RBKS: variants seen among roughly 807,000 people sequenced by gnomAD.
The protein encoded by RBKS is ribokinase.
Under a neutral mutation model 33.9 loss-of-function variants are expected in RBKS, and 33 were observed. The ratio of observed to expected loss-of-function variants is 0.97; its 90% CI spans 0.74 to 1.30. RBKS has a LOEUF of 1.30. RBKS is among the 50% of genes most tolerant of loss of function. The pLI is 0.00. For synonymous variants in RBKS, 125 were observed against 143.0 expected (o/e 0.87, Z 0.90); for missense variants, 361 against 392.6 (o/e 0.92, Z 0.68).
At chr2:27,866,064 G>T (rs1284773360) in intron 1 of RBKS, among the ~76,000 whole-genome samples, 1 of 151,950 alleles carries the variant, frequency 6.6e-6, no homozygotes, top group African/African-American at 2.4e-5. Context: ...GAATCATTTT[G>T]GTTCCACCTA....
intron 4 of RBKS, among the ~76,000 whole-genome samples, chr2:27,844,036 A>G (rs886543747): frequency 6.6e-5 from 10 of 152,046 alleles, no homozygotes; most frequent in African/African-American, 2.4e-4. Context: ...CGAGGTGGGC[A>G]GATCACTTGA....
intron 6 of RBKS, among the ~76,000 whole-genome samples, chr2:27,828,857 A>G (rs1359758557): frequency 6.6e-6 from 1 of 152,010 alleles, no homozygotes; most frequent in African/African-American, 2.4e-5. Flanking sequence ...TTCATAATGA[A>G]TGTTAATCTT....
chr2:27,844,467 A>G (rs1663581455), intron 4 of RBKS, among the ~76,000 whole-genome samples: 1 of 152,078 alleles, frequency 6.6e-6, no homozygotes, highest in South Asian at 2.1e-4. Context: ...ATCTTGGCTC[A>G]CTGCAGCCTC....
chr2:27,858,416 T>C, intron 2 of RBKS, 23 bp downstream of exon 2: 2 of 1,573,286 alleles, frequency 1.3e-6, no homozygotes, highest in Non-Finnish European at 1.7e-6. Flanking sequence ...TCTAGAGTCC[T>C]CTCCACTATA....
intron 7 of RBKS, among the ~76,000 whole-genome samples, chr2:27,823,898 A>G (rs1678264433): frequency 6.6e-6 from 1 of 152,166 alleles, no homozygotes; most frequent in Admixed American, 6.6e-5. Context: ...TTGAAATATA[A>G]TTCATGCATC....
At chr2:27,832,482 G>T (rs932805596) in intron 6 of RBKS, among the ~76,000 whole-genome samples, 1 of 152,138 alleles carries the variant, frequency 6.6e-6, no homozygotes, top group Non-Finnish European at 1.5e-5. Flanking sequence ...GCCAGAATAT[G>T]GAAGTGACTC....
chr2:27,782,509 G>T, intron 7 of RBKS: 1 of 368,504 alleles, frequency 2.7e-6, no homozygotes, highest in Admixed American at 2.7e-5. Context: ...ATAGTTTTGA[G>T]GAGAACTGGT....
intron 2 of RBKS, 24 bp from the exon 3 acceptor site, chr2:27,848,121 T>C (rs1191576340): frequency 7.7e-7 from 1 of 1,291,114 alleles, no homozygotes; most frequent in South Asian, 1.3e-5. Context: ...ATAATGAATA[T>C]TAGATCTTTT....
At chr2:27,839,861 G>C (rs921299714) in intron 5 of RBKS, among the ~76,000 whole-genome samples, 65 of 152,074 alleles carry the variant, frequency 4.3e-4, no homozygotes, top group African/African-American at 1.4e-3. Flanking sequence ...TGTGAGAGCT[G>C]TCAGCCCAAT....
chr2:27,781,531 C>A lies in RBKS; in HGVS notation c.*84G>T. On this transcript the variant is annotated 3_prime_UTR_variant, in exon 8 of 8. Coordinates refer to ENST00000302188, the MANE Select transcript of RBKS (RefSeq NM_022128.3). ...TATTTGCAAAGAAAGGGGACGAGGACATTTTCTAATAAGCATTAGCCAGGA... is the reference window on the plus strand; with the variant it reads ...TATTTGCAAAGAAAGGGGACGAGGAAATTTTCTAATAAGCATTAGCCAGGA... 9.3e-7 allele frequency: 1 copy of A among 1,078,482 alleles called. No individual in the cohort carries two copies. 66.8% of individuals were successfully genotyped at this position (1,078,482 alleles called of 1,614,324 possible).
At chr2:27,836,039 C>A (rs368413025) in intron 5 of RBKS, among the ~76,000 whole-genome samples, 4 of 151,988 alleles carry the variant, frequency 2.6e-5, no homozygotes, top group Admixed American at 6.6e-5. Flanking sequence ...CATGCTGAAA[C>A]CCCGTCTCTA....
intron 7 of RBKS, among the ~76,000 whole-genome samples, chr2:27,811,202 T>C (rs972093433): frequency 6.6e-6 from 1 of 152,230 alleles, no homozygotes; most frequent in African/African-American, 2.4e-5. Flanking sequence ...TTCCCTGGGC[T>C]CCTCAGGCTA....
chr2:27,820,714 G>T (rs777677622), intron 7 of RBKS, among the ~76,000 whole-genome samples: 1 of 151,074 alleles, frequency 6.6e-6, no homozygotes, highest in Non-Finnish European at 1.5e-5. Flanking sequence ...GATCAGCCAA[G>T]ATTTACTATT....
chr2:27,847,546 G>C (rs771359313), intron 3 of RBKS, among the ~76,000 whole-genome samples: 5 of 152,152 alleles, frequency 3.3e-5, no homozygotes, highest in Non-Finnish European at 7.4e-5. Flanking sequence ...CATATAAACA[G>C]AAATGTTGAC....
intron 5 of RBKS, among the ~76,000 whole-genome samples, chr2:27,834,893 G>A (rs1251610952): frequency 6.6e-6 from 1 of 152,176 alleles, no homozygotes; most frequent in Non-Finnish European, 1.5e-5. Context: ...CCATAAGCAT[G>A]CAAAGATGAT....
intron 1 of RBKS, among the ~76,000 whole-genome samples, chr2:27,889,247 G>T (rs1170129559): frequency 6.6e-6 from 1 of 152,146 alleles, no homozygotes; most frequent in African/African-American, 2.4e-5. Flanking sequence ...AGGTGGTTTG[G>T]TGCAGCAATT....
intron 1 of RBKS, among the ~76,000 whole-genome samples, chr2:27,884,249 T>C (rs965154512): frequency 1.3e-5 from 2 of 152,124 alleles, no homozygotes; most frequent in Non-Finnish European, 2.9e-5. Flanking sequence ...AGTATAACTC[T>C]CTTTTATTTT....
intron 4 of RBKS, among the ~76,000 whole-genome samples, chr2:27,843,944 A>G (rs990994440): frequency 6.6e-6 from 1 of 152,182 alleles, no homozygotes; most frequent in African/African-American, 2.4e-5. Flanking sequence ...CGAGCCACAC[A>G]TGGCCATTGA....
At chr2:27,801,964 ATATATAT>A (rs1341369940) in intron 7 of RBKS, among the ~76,000 whole-genome samples, 5 of 48,574 alleles carry the variant, frequency 1.0e-4, no homozygotes, top group African/African-American at 3.4e-4. Context: ...AAAAAAAAAA[ATATATAT>A]ATATATATAT....
Sources: gnomAD v4.1 joint callset for allele counts (sites outside exome capture counted in the v4.1 genomes callset) on GRCh38, gnomAD v4.1.1 for gene constraint, MANE v1.5 for transcripts, NCBI Gene and HGNC (gene_info 2026-07-23, HGNC 2026-07-21) for gene names.